The following TRPM1 variants were observed in gnomAD, a reference collection of about 807,000 sequenced individuals.
TRPM1 encodes the protein TRPM1-203 APA Isoform, Intron 10.
A neutral mutation model predicts 149.4 loss-of-function variants in TRPM1; 113 were observed. The ratio of observed to expected loss-of-function variants is 0.76; its 90% CI spans 0.65 to 0.88. The LOEUF is 0.88. Ranked by LOEUF, TRPM1 falls within the 40% of genes least tolerant of loss-of-function variation. TRPM1 has a pLI of 0.00. For missense variants in TRPM1, 1,976 were observed against 2,038.7 expected (o/e 0.97, Z 0.59); for synonymous variants, 741 against 759.5 (o/e 0.98, Z 0.40).
intron 1 of TRPM1, among the ~76,000 whole-genome samples, chr15:31,152,906 G>T (rs576561118): frequency 1.2e-4 from 19 of 152,288 alleles, no homozygotes; most frequent in African/African-American, 4.1e-4. Flanking sequence ...GCCTCCTAAA[G>T]TGTTGGGATT....
At chr15:31,099,529 T>A (rs1169880782) in intron 1 of TRPM1, among the ~76,000 whole-genome samples, 1 of 152,220 alleles carries the variant, frequency 6.6e-6, no homozygotes, top group Non-Finnish European at 1.5e-5. Context: ...AAAATCTGTT[T>A]TGTTTTCACT....
At chr15:31,156,660 T>C (rs943921597) in intron 1 of TRPM1, among the ~76,000 whole-genome samples, 2 of 152,324 alleles carry the variant, frequency 1.3e-5, no homozygotes, top group African/African-American at 4.8e-5. Flanking sequence ...CTCACATGTA[T>C]TGACTGATCT....
intron 1 of TRPM1, among the ~76,000 whole-genome samples, chr15:31,131,508 A>G (rs781572033): frequency 1.3e-5 from 2 of 152,218 alleles, no homozygotes; most frequent in East Asian, 1.9e-4. Flanking sequence ...ACCATGTGCG[A>G]TAAGAGCTTA....
At chr15:31,104,626 C>T (rs2035574216), upstream of TRPM1, among the ~76,000 whole-genome samples, 2 of 113,160 alleles carry the variant, frequency 1.8e-5, no homozygotes, top group Admixed American at 2.5e-4. Flanking sequence ...CGGAGTCTTG[C>T]TCTGTTGCCC....
At chr15:31,125,124 A>G (rs2035930497) in intron 1 of TRPM1, among the ~76,000 whole-genome samples, 1 of 151,960 alleles carries the variant, frequency 6.6e-6, no homozygotes, top group Admixed American at 6.5e-5. Context: ...GTTGCAGTGA[A>G]CCAAGAACGT....
At chr15:31,089,457 C>T (rs929491624) in intron 1 of TRPM1, among the ~76,000 whole-genome samples, 3 of 152,204 alleles carry the variant, frequency 2.0e-5, no homozygotes, top group African/African-American at 7.2e-5. Flanking sequence ...GTGACCATGG[C>T]CTGCTGACCT....
chr15:31,028,474 G>C lies in TRPM1; in HGVS notation c.3151C>G (p.Pro1051Ala). ...IDLYAMEINP[P>A]CGENLYDEEG... is the part of the protein sequence containing the mutation. ...TCATCATATAGGTTCTCACCACAAG[G>C]AGCTGAAAGAAAAAAATAGTTTTGT... is the stretch of plus-strand genomic sequence containing the variant. The change falls in exon 25 of 28, where the codon CCT becomes GCT. Residue 1051 changes from proline to alanine, a missense_variant and splice_region_variant. Coordinates refer to ENST00000256552, the MANE Select transcript of TRPM1 (RefSeq NM_001252024.2). The C allele has an allele frequency of 6.2e-7, 1 of 1,613,850 alleles. No homozygotes were observed. Among genetic ancestry groups the C allele is most frequent in the Non-Finnish European group, 8.5e-7 (1 of 1,179,998 alleles).
At chr15:31,148,473 A>T (rs574948085) in intron 1 of TRPM1, among the ~76,000 whole-genome samples, 1 of 152,322 alleles carries the variant, frequency 6.6e-6, no homozygotes, top group South Asian at 2.1e-4. Flanking sequence ...AACATTATGC[A>T]CTAGCAAAGA....
chr15:31,032,616 T>C, intron 22 of TRPM1, 73 bp downstream of exon 22: 1 of 1,584,700 alleles, frequency 6.3e-7, no homozygotes, highest in South Asian at 1.1e-5. Context: ...AAGGAAGCCA[T>C]GCCCAAGGCC....
intron 27 of TRPM1, among the ~76,000 whole-genome samples, chr15:31,012,674 T>G (rs184484230): frequency 2.0e-4 from 31 of 152,316 alleles, no homozygotes; most frequent in Non-Finnish European, 3.8e-4. Flanking sequence ...TTGTAAAATT[T>G]TGGCCATTAT....
intron 2 of TRPM1, among the ~76,000 whole-genome samples, chr15:31,080,669 C>A: frequency 7.1e-6 from 1 of 140,032 alleles, no homozygotes. Flanking sequence ...CCTCACCCCG[C>A]CCCCTGTTAC....
rs1245190818 is a variant in TRPM1, at chr15:31,071,985, A to C, written c.84-1759T>G. The stretch of plus-strand genomic sequence containing the variant: ...TCTCAAAAAAAAAAAAAAAACATAT[A>C]TATATATATATATATATATATATAT... On this transcript the variant is annotated intron_variant, in intron 3 of 27. Transcript: ENST00000256552. Among the ~76,000 whole-genome samples the C allele has an allele frequency of 2.3e-3, 138 of 59,146 alleles. 2 individuals carry two copies. The Middle Eastern group carries it at 0.023, about 10-fold the overall frequency. 38.8% of individuals were successfully genotyped at this position (59,146 alleles called of 152,430 possible). A position where few individuals can be genotyped will look rare whatever the true frequency, so the allele number is the denominator to read the frequency against.
In TRPM1 at chr15:31,040,522, C is replaced by G. The variant is rs1326696072; in HGVS notation, c.2088-176G>C. 2.0e-5 allele frequency among the ~76,000 whole-genome samples: 3 copies of G among 152,200 alleles called. No individual in the cohort carries two copies. The highest frequency in any genetic ancestry group is 4.4e-5 in the Non-Finnish European group (3 of 68,036). ...GGATGTGTCCCCAAAGGGGGAAGGC[C>G]AGGGACAGTGGCTGGGAGCTCAGTC... On this transcript the variant is annotated intron_variant, in intron 17 of 27. Transcript: ENST00000256552. This position sits in a 1 kb window ranked among gnomAD's most constrained non-coding sequence, Gnocchi z 4.2.
In TRPM1 at chr15:31,101,581, C is replaced by T. The variant is rs560483056; in HGVS notation, c.-84+76G>A. 36 of 906,630 alleles carry T rather than the reference C, an allele frequency of 4.0e-5. 1 individual carries two copies. The South Asian group carries it at 1.3e-3, about 32-fold the overall frequency. 56.2% of individuals were successfully genotyped at this position (906,630 alleles called of 1,614,324 possible). A position where few individuals can be genotyped will look rare whatever the true frequency, so the allele number is the denominator to read the frequency against. ...GGTTATCTGCACCTGAGTTTGTCCA[C>T]GCTTGAGTTTACCCACACCTGAGGA... is the stretch of plus-strand genomic sequence containing the variant. On this transcript the variant is annotated intron_variant, in intron 1 of 27. Transcript: ENST00000256552.
chr15:31,063,213 C>T lies in TRPM1; in HGVS notation c.870G>A (p.Leu290=). ...CCACAGGGATGGGAGGCTCTTCTTGCAGGTATTCCAAGACGATGGACACCA... is the reference window on the plus strand; with the variant it reads ...CCACAGGGATGGGAGGCTCTTCTTGTAGGTATTCCAAGACGATGGACACCA... ...PNVVSIVLEY[L]QEEPPIPVVI... Residue 290 remains leucine (L), a synonymous_variant, in exon 8 of 28, where the codon CTG becomes CTA. Coordinates refer to ENST00000256552, the MANE Select transcript of TRPM1 (RefSeq NM_001252024.2). The T allele has an allele frequency of 6.2e-7, 1 of 1,614,234 alleles. No homozygotes were observed. Among genetic ancestry groups the T allele is most frequent in the Non-Finnish European group, 8.5e-7 (1 of 1,180,040 alleles).
At position 31,042,092 on chromosome 15, in the gene TRPM1, A is replaced by T. The variant is rs2033633902; in HGVS notation, c.1946T>A (p.Met649Lys). 2 of 1,614,052 alleles carry T rather than the reference A, an allele frequency of 1.2e-6. No individual in the cohort carries two copies. The highest frequency in any genetic ancestry group is 4.5e-5 in the East Asian group (2 of 44,880). ...CCCTCGCTGCCAGAGGAACACTGCC[A>T]TTTTCTGGCGTTTCATCAGCACTGC... is the stretch of plus-strand genomic sequence containing the variant. ...VWAVLMKRQK[M>K]AVFLWQRGEE... is the part of the protein sequence containing the mutation. Residue 649 changes from methionine to lysine, a missense_variant, in exon 17 of 28, where the codon ATG becomes AAG. Physicochemically the swap from Met to Lys is moderately conservative, Grantham distance 95. This residue lies in a region of TRPM1 where 1,332 missense variants were observed against 1,347.1 expected (regional missense o/e 0.99). Coordinates refer to ENST00000256552, the MANE Select transcript of TRPM1 (RefSeq NM_001252024.2).
chr15:31,061,490 C>A lies in TRPM1; in HGVS notation c.1114G>T (p.Glu372Ter). The A allele has an allele frequency of 6.2e-7, 1 of 1,614,146 alleles. No individual in the cohort carries two copies. Among genetic ancestry groups the A allele is most frequent in the Non-Finnish European group, 8.5e-7 (1 of 1,180,028 alleles). The change falls in exon 10 of 28, where the codon GAG (glutamate) becomes TAG (stop). Residue 372 changes from glutamate to a stop codon, truncating the protein, a stop_gained. Transcript: ENST00000256552. LOFTEE classifies it high-confidence loss of function. Reference sequence around the variant, plus strand: ...GCCATCTCGATGTCCTGCTGGCCCTCAGAACCCATTCTGAACACAGTGACC... The same window carrying A: ...GCCATCTCGATGTCCTGCTGGCCCTAAGAACCCATTCTGAACACAGTGACC... ...ELVTVFRMGS[E>*]GQQDIEMAIL...
chr15:31,062,750 T>C (rs1370726449), intron 8 of TRPM1, 48 bp from the exon 9 acceptor site: 9 of 1,596,600 alleles, frequency 5.6e-6, no homozygotes, highest in Non-Finnish European at 6.9e-6. Context: ...GTTAAATCTA[T>C]ATATGAATGA....
intron 27 of TRPM1, among the ~76,000 whole-genome samples, chr15:31,004,598 A>G (rs1481037876): frequency 1.3e-5 from 2 of 152,122 alleles, no homozygotes; most frequent in African/African-American, 4.8e-5. Context: ...TTGAGCAGGA[A>G]GGGTCTGGCT....
Sources: allele counts gnomAD v4.1 joint callset (sites outside exome capture counted in the v4.1 genomes callset), GRCh38; gene constraint gnomAD v4.1.1; regional missense constraint gnomAD v4.1.1; non-coding constraint Gnocchi (gnomAD v3.1); transcripts MANE v1.5; gene names NCBI Gene and HGNC (gene_info 2026-07-23, HGNC 2026-07-21).